The following DUOX1 variants were observed in gnomAD, a reference collection of about 807,000 sequenced individuals.
The protein encoded by DUOX1 is NADPH thyroid oxidase 1.
In DUOX1, 134 loss-of-function variants were observed where a neutral mutation model predicts 181.8. The observed-to-expected ratio is 0.74, with a 90% CI of 0.64 to 0.85. The LOEUF is 0.85. Ranked by LOEUF, DUOX1 falls within the 40% of genes least tolerant of loss-of-function variation. The probability of loss-of-function intolerance (pLI) is 0.00; values close to 1 mark genes in which losing one functional copy is unlikely to be tolerated. For missense variants in DUOX1, 1,814 were observed against 2,064.4 expected (o/e 0.88, Z 2.35); for synonymous variants, 798 against 832.5 (o/e 0.96, Z 0.71).
chr15:45,151,094 C>T, intron 22 of DUOX1, 29 bp from the exon 23 acceptor site: 1 of 1,612,442 alleles, frequency 6.2e-7, no homozygotes, highest in Non-Finnish European at 8.5e-7. Context: ...AGATGGCCAG[C>T]ATCCTATCTC....
intron 28 of DUOX1, among the ~76,000 whole-genome samples, chr15:45,160,539 C>T (rs1897071494): frequency 8.5e-6 from 1 of 117,678 alleles, no homozygotes; most frequent in African/African-American, 3.4e-5. Context: ...TACAGTGAGA[C>T]AAGACCAGTA....
At chr15:45,132,244 G>C (rs1190705911) in intron 2 of DUOX1, among the ~76,000 whole-genome samples, 1 of 152,202 alleles carries the variant, frequency 6.6e-6, no homozygotes. Context: ...GGAGCCTTCA[G>C]CTGCTGTCAG....
At chr15:45,157,092 C>T (rs1464883932) in intron 28 of DUOX1, among the ~76,000 whole-genome samples, 3 of 152,220 alleles carry the variant, frequency 2.0e-5, no homozygotes, top group Non-Finnish European at 2.9e-5. Context: ...TGGCTCCTGC[C>T]ATCTGACCTG....
chr15:45,135,707 GGGGGTCTGCGAGTGT>G (rs1896292639), intron 6 of DUOX1, 32 bp downstream of exon 6: 1 of 1,442,676 alleles, frequency 6.9e-7, no homozygotes, highest in Admixed American at 2.7e-5. Context: ...GGGGCCGGCT[GGGGGTCTGCGAGTGT>G]GGGCTCCCCC....
chr15:45,134,118 T>A, intron 3 of DUOX1, 27 bp from the exon 4 acceptor site: 1 of 1,547,010 alleles, frequency 6.5e-7, no homozygotes, highest in Non-Finnish European at 8.7e-7. Flanking sequence ...TGAAGATTCA[T>A]CCTTATCCTT....
chr15:45,163,659 A>T lies in DUOX1; in HGVS notation c.4376A>T (p.Glu1459Val), dbSNP rs750486305. 6.2e-7 allele frequency: 1 copy of T among 1,614,122 alleles called. No homozygotes were observed. Among genetic ancestry groups the T allele is most frequent in the Non-Finnish European group, 8.5e-7 (1 of 1,180,018 alleles). Residue 1459 changes from glutamate (E) to valine (V), a missense_variant, in exon 32 of 34, where the codon GAG (glutamate) becomes GTG (valine). Around this residue, in one of 5 missense-constraint regions of DUOX1, gnomAD observed 124 missense variants for 125.7 expected, o/e 0.99. Coordinates refer to ENST00000389037, the MANE Select transcript of DUOX1 (RefSeq NM_175940.3). ...SVHIYITQLAEKFDLRTTMLY... is the reference protein window; with the variant it reads ...SVHIYITQLAVKFDLRTTMLY... The stretch of plus-strand genomic sequence containing the variant: ...CACATCTACATCACCCAGCTGGCTG[A>T]GAAGTTCGACCTCAGGACCACTATG...
In DUOX1 at chr15:45,152,343, T is replaced by C. The variant is rs1180511958; in HGVS notation, c.3251T>C (p.Ile1084Thr). 1 of 1,614,078 alleles carries C rather than the reference T, an allele frequency of 6.2e-7. No homozygotes were observed. The highest frequency in any genetic ancestry group is 8.5e-7 in the Non-Finnish European group (1 of 1,180,042). The change falls in exon 25 of 34, where the codon ATC (isoleucine) becomes ACC (threonine). Residue 1084 changes from isoleucine (I) to threonine (T), a missense_variant. By Grantham distance (89) the Ile-to-Thr change is moderately conservative. This residue lies in a region of DUOX1 where 1,064 missense variants were observed against 1,152.9 expected (regional missense o/e 0.92). Transcript: ENST00000389037. ...GITDTTRVGI[I>T]LSRGTAASIS... ...ACAGACACCACCCGCGTGGGAATCA[T>C]CCTGTCGCGGGGCACAGCAGCCAGC... is the stretch of plus-strand genomic sequence containing the variant.
At chr15:45,164,622 C>T (rs987729041) in intron 33 of DUOX1, among the ~76,000 whole-genome samples, 157 bp from the exon 34 acceptor site, 5 of 152,084 alleles carry the variant, frequency 3.3e-5, no homozygotes, top group African/African-American at 1.2e-4. Flanking sequence ...GAGTGCACCA[C>T]TATGCCTGGC....
chr15:45,150,990 TG>T, intron 22 of DUOX1, 132 bp from the exon 23 acceptor site: 1 of 1,301,048 alleles, frequency 7.7e-7, no homozygotes, highest in Non-Finnish European at 1.1e-6. Context: ...TAGGTGACTG[TG>T]GGAATCCTGC....
At chr15:45,142,789 G>GGAAGGAAGGAAGGAAGGAAGGCAGGA in intron 15 of DUOX1, among the ~76,000 whole-genome samples, 1 of 139,872 alleles carries the variant, frequency 7.1e-6, no homozygotes, top group South Asian at 2.4e-4. Context: ...GGAAGGAAGG[G>GGAAGGAAGGAAGGAAGGAAGGCAGGA]AGGGAGGAAG....
intron 21 of DUOX1, among the ~76,000 whole-genome samples, chr15:45,150,003 A>T (rs1245732279): frequency 1.3e-5 from 2 of 152,122 alleles, no homozygotes; most frequent in East Asian, 3.8e-4. Context: ...TCTTCTTTTG[A>T]CCTCAACTAT....
rs1242776715 is a variant in DUOX1, at chr15:45,161,799, GC to G, written c.3919del (p.Arg1307GlyfsTer17). 2 of 1,613,928 alleles carry G rather than the reference GC, an allele frequency of 1.2e-6. No homozygotes were observed. Among genetic ancestry groups the G allele is most frequent in the Non-Finnish European group, 1.7e-6 (2 of 1,180,008 alleles). ...GFEYKSGQWVRIACLALGTTE... is the reference protein window; with the variant it reads ...GFEYKSGQWVXIACLALGTTE... Reference sequence around the variant, plus strand: ...TTGAGTACAAGTCAGGGCAGTGGGTGCGGATCGCTTGCCTGGCTCTGGGGAC... The same window carrying G: ...TTGAGTACAAGTCAGGGCAGTGGGTGGGATCGCTTGCCTGGCTCTGGGGAC... On this transcript the variant is annotated frameshift_variant, in exon 30 of 34. Coordinates refer to ENST00000389037, the MANE Select transcript of DUOX1 (RefSeq NM_175940.3). LOFTEE classifies it high-confidence loss of function.
Position 45,147,431 on chromosome 15 carries a change from A to G in DUOX1, c.2323-2A>G. Reference sequence around the variant, plus strand: ...CCTCCCTCTGCTTCTGCCCAAGTGCAGGTGCTGGACATCAACCAGGCCGAC... The same window carrying G: ...CCTCCCTCTGCTTCTGCCCAAGTGCGGGTGCTGGACATCAACCAGGCCGAC... On this transcript the variant is annotated splice_acceptor_variant, in intron 18 of 33. Coordinates refer to ENST00000389037, the MANE Select transcript of DUOX1 (RefSeq NM_175940.3). LOFTEE classifies it high-confidence loss of function. 6.2e-7 allele frequency: 1 copy of G among 1,613,052 alleles called. No homozygotes were observed. Among genetic ancestry groups the G allele is most frequent in the Non-Finnish European group, 8.5e-7 (1 of 1,179,518 alleles).
chr15:45,153,754 G>T, intron 26 of DUOX1, 197 bp from the exon 27 acceptor site: 1 of 636,962 alleles, frequency 1.6e-6, no homozygotes, highest in Non-Finnish European at 2.8e-6. Flanking sequence ...GGGCATGGTG[G>T]TGCGTGCCTG....
chr15:45,142,789 G>GGAACGA (rs1480496555), intron 15 of DUOX1, among the ~76,000 whole-genome samples: 1 of 139,762 alleles, frequency 7.2e-6, no homozygotes, highest in Non-Finnish European at 1.5e-5. Context: ...GGAAGGAAGG[G>GGAACGA]AGGGAGGAAG....
At position 45,135,658 on chromosome 15, in the gene DUOX1, G is replaced by A; in HGVS notation, c.680G>A (p.Gly227Glu). ...AAPDPATGQN[G>E]PRGLYAFGAE... ...CCCGACCCCGCCACCGGGCAGAACG[G>A]GCCCCGGGGGCTGTACGGTGAGGCC... The change falls in exon 6 of 34, where the codon GGG (glycine) becomes GAG (glutamate). Residue 227 changes from glycine to glutamate, a missense_variant. Coordinates refer to ENST00000389037, the MANE Select transcript of DUOX1 (RefSeq NM_175940.3). 8 of 1,502,726 alleles carry A rather than the reference G, an allele frequency of 5.3e-6. No homozygotes were observed. Among genetic ancestry groups the A allele is most frequent in the Non-Finnish European group, 7.1e-6 (8 of 1,125,442 alleles). 93.1% of individuals were successfully genotyped at this position (1,502,726 alleles called of 1,614,324 possible).
In DUOX1 at chr15:45,140,127, C is replaced by T. The variant is rs1896453126; in HGVS notation, c.1389+528C>T. 3.6e-6 allele frequency: 4 copies of T among 1,114,650 alleles called. No individual in the cohort carries two copies. The African/African-American group carries it at 4.8e-5, about 13-fold the overall frequency. 69.0% of individuals were successfully genotyped at this position (1,114,650 alleles called of 1,614,324 possible). A position where few individuals can be genotyped will look rare whatever the true frequency, so the allele number is the denominator to read the frequency against. ...ATTGGTCAAGGATGATGGTGCTGAA[C>T]AGGGGTCCTGTTCAGCTGCTAGCCA... is the stretch of plus-strand genomic sequence containing the variant. On this transcript the variant is annotated intron_variant, in intron 12 of 33. Coordinates refer to ENST00000389037, the MANE Select transcript of DUOX1 (RefSeq NM_175940.3).
At position 45,160,861 on chromosome 15, in the gene DUOX1, C is replaced by T; in HGVS notation, c.3727C>T (p.Leu1243=). 1 of 1,611,226 alleles carries T rather than the reference C, an allele frequency of 6.2e-7. No individual in the cohort carries two copies. Among genetic ancestry groups the T allele is most frequent in the African/African-American group, 1.3e-5 (1 of 75,052 alleles). The part of the protein sequence containing the change: ...VLLIIHGSFA[L]IQLPRFHIFF... ...GCTCATCATCCATGGTAGCTTTGCC[C>T]TGATCCAGCTGCCCCGTTTCCACAT... Residue 1243 remains leucine, a synonymous_variant, in exon 29 of 34, where the codon CTG becomes TTG. Transcript: ENST00000389037.
intron 26 of DUOX1, 186 bp from the exon 27 acceptor site, chr15:45,153,765 T>C (rs930182519): frequency 3.1e-5 from 20 of 642,744 alleles, no homozygotes; most frequent in Non-Finnish European, 4.6e-5. Flanking sequence ...TGCGTGCCTG[T>C]AATCCCAGCT....
Sources: allele counts gnomAD v4.1 joint callset (sites outside exome capture counted in the v4.1 genomes callset), GRCh38; gene constraint gnomAD v4.1.1; regional missense constraint gnomAD v4.1.1; transcripts MANE v1.5; gene names NCBI Gene and HGNC (gene_info 2026-07-23, HGNC 2026-07-21).